EXOSC10: variants seen among roughly 807,000 people sequenced by gnomAD.
The protein encoded by EXOSC10 is exosome complex component 10.
Under a neutral mutation model 126.6 loss-of-function variants are expected in EXOSC10, and 94 were observed. The observed-to-expected ratio is 0.74, with a 90% CI of 0.63 to 0.88. The LOEUF (loss-of-function observed/expected upper bound fraction) is 0.88, where lower values mean the gene tolerates loss of function less well. EXOSC10 is among the 40% of genes least tolerant of loss of function. The probability of loss-of-function intolerance (pLI) is 0.00; values close to 1 mark genes in which losing one functional copy is unlikely to be tolerated. For missense variants in EXOSC10, 1,041 were observed against 1,100.5 expected (o/e 0.95, Z 0.77); for synonymous variants, 395 against 400.8 (o/e 0.99, Z 0.17).
intron 2 of EXOSC10, among the ~76,000 whole-genome samples, chr1:11,096,772 T>C (rs894489447): frequency 2.6e-5 from 4 of 152,136 alleles, no homozygotes; most frequent in African/African-American, 9.7e-5. Flanking sequence ...AGCCGCCATG[T>C]CTGGCCCCTG....
In EXOSC10 at chr1:11,082,793, G is replaced by A; in HGVS notation, c.1175C>T (p.Ala392Val). 1 of 1,614,186 alleles carries A rather than the reference G, an allele frequency of 6.2e-7. No homozygotes were observed. The highest frequency in any genetic ancestry group is 8.5e-7 in the Non-Finnish European group (1 of 1,180,026). The change falls in exon 10 of 25, where the codon GCA (alanine) becomes GTA (valine). Residue 392 changes from alanine to valine, a missense_variant. Coordinates refer to ENST00000376936, the MANE Select transcript of EXOSC10 (RefSeq NM_001001998.3). ...YVVNMFDTHQAARLLNLGRHS... is the reference protein window; with the variant it reads ...YVVNMFDTHQVARLLNLGRHS... ...CCTGCCCAGGTTAAGAAGGCGTGCT[G>A]CCTGATGAGTATCAAACATGTTTAC...
intron 14 of EXOSC10, among the ~76,000 whole-genome samples, chr1:11,078,919 TTCA>T (rs1038223050): frequency 1.3e-5 from 2 of 152,178 alleles, no homozygotes; most frequent in African/African-American, 4.8e-5. Context: ...AGCAGCTAAA[TTCA>T]TCAAGACACA....
At chr1:11,088,959 G>A (rs1640646244) in intron 6 of EXOSC10, among the ~76,000 whole-genome samples, 1 of 152,204 alleles carries the variant, frequency 6.6e-6, no homozygotes, top group African/African-American at 2.4e-5. Context: ...GGTGGCACAT[G>A]CTTGTAATCC....
At chr1:11,077,222 C>T (rs929897324) in intron 16 of EXOSC10, 143 bp downstream of exon 16, 26 of 819,038 alleles carry the variant, frequency 3.2e-5, no homozygotes, top group Middle Eastern at 7.5e-4. Context: ...AACTCCTGAC[C>T]TCAGGTGATC....
chr1:11,066,640 G>T lies in EXOSC10; in HGVS notation c.*78C>A. Reference sequence around the variant, plus strand: ...AGCTTTCTTCAGGAAGAATTTTAATGGTTTAAAAATATGTATGTACAAAAG... The same window carrying T: ...AGCTTTCTTCAGGAAGAATTTTAATTGTTTAAAAATATGTATGTACAAAAG... On this transcript the variant is annotated 3_prime_UTR_variant, in exon 25 of 25. Coordinates refer to ENST00000376936, the MANE Select transcript of EXOSC10 (RefSeq NM_001001998.3). The T allele has an allele frequency of 6.7e-7, 1 of 1,491,140 alleles. No homozygotes were observed. Among genetic ancestry groups the T allele is most frequent in the Non-Finnish European group, 9.4e-7 (1 of 1,068,966 alleles). The allele number at this position is 1,491,140 out of a possible 1,614,324, so 92.4% of individuals were successfully genotyped here.
rs1365740832 is a variant in EXOSC10 at position 11,086,510 on chromosome 1, TTTTC to T, written c.1089+934_1089+937del. On this transcript the variant is annotated intron_variant, in intron 9 of 24. Transcript: ENST00000376936. ...TATTGCGTCTATTTGATTCTTCTAT[TTTTC>T]TTTATTAGTCTTGCTAGCGGTCTAT... 2.0e-5 allele frequency among the ~76,000 whole-genome samples: 3 copies of T among 149,558 alleles called. No homozygotes were observed. The East Asian group carries it at 6.0e-4, about 30-fold the overall frequency.
intron 10 of EXOSC10, 53 bp downstream of exon 10, chr1:11,082,635 T>C (rs1640232336): frequency 1.9e-6 from 3 of 1,605,030 alleles, no homozygotes; most frequent in Non-Finnish European, 2.6e-6. Flanking sequence ...GACAGGTTAA[T>C]GAATAATCAC....
intron 3 of EXOSC10, among the ~76,000 whole-genome samples, chr1:11,095,211 CAAAAA>C (rs1222636613): frequency 1.9e-5 from 1 of 52,426 alleles, no homozygotes; most frequent in African/African-American, 6.6e-5. Context: ...GACTCCGTCT[CAAAAA>C]AAAAAAAAAA....
chr1:11,087,682 A>G (rs943593117), intron 8 of EXOSC10, 91 bp from the exon 9 acceptor site: 54 of 1,527,328 alleles, frequency 3.5e-5, no homozygotes, highest in Non-Finnish European at 4.7e-5. Flanking sequence ...TACAAAGCTA[A>G]GTTATATGAT....
In EXOSC10 at chr1:11,077,625, C is replaced by A; in HGVS notation, c.1776G>T (p.Lys592Asn). 1 of 1,611,918 alleles carries A rather than the reference C, an allele frequency of 6.2e-7. No homozygotes were observed. The highest frequency in any genetic ancestry group is 1.1e-5 in the South Asian group (1 of 91,018). Residue 592 changes from lysine to asparagine, a missense_variant, in exon 15 of 25, where the codon AAG becomes AAT. Physicochemically the swap from Lys to Asn is moderately conservative, Grantham distance 94. This residue lies in a region of EXOSC10 where 388 missense variants were observed against 415.2 expected (regional missense o/e 0.93). Transcript: ENST00000376936. ...CCTCAGCACTGGGCAGCGGTCCGCT[C>A]TTCTTCACTCCGGCTGCAACTTCAG... is the stretch of plus-strand genomic sequence containing the variant. ...LKSEVAAGVKKSGPLPSAERL... is the reference protein window; with the variant it reads ...LKSEVAAGVKNSGPLPSAERL...
At chr1:11,096,890 C>T (rs897635704) in intron 2 of EXOSC10, among the ~76,000 whole-genome samples, 3 of 151,970 alleles carry the variant, frequency 2.0e-5, no homozygotes, top group Non-Finnish European at 4.4e-5. Context: ...CCAGCCTGGC[C>T]AACATGGTGA....
At chr1:11,098,681 A>C (rs546724419) in intron 1 of EXOSC10, among the ~76,000 whole-genome samples, 1 of 152,360 alleles carries the variant, frequency 6.6e-6, no homozygotes, top group East Asian at 1.9e-4. Context: ...GCATCTAAAA[A>C]CAATACAAGC....
chr1:11,084,844 T>C (rs975178445), intron 9 of EXOSC10, among the ~76,000 whole-genome samples: 1 of 152,242 alleles, frequency 6.6e-6, no homozygotes, highest in African/African-American at 2.4e-5. Context: ...TTTCTACATA[T>C]GGCTAGCCAG....
rs1290830340 is a variant in EXOSC10, at chr1:11,079,827, A to G, written c.1638-5T>C. ...GCTATGATGCCCTGAGGTTCCCTGA[A>G]GACAAGTAAGAACACACTCAACTTG... On this transcript the variant is annotated splice_polypyrimidine_tract_variant and splice_region_variant and intron_variant, in intron 13 of 24. Transcript: ENST00000376936. 1 of 1,606,128 alleles carries G rather than the reference A, an allele frequency of 6.2e-7. No individual in the cohort carries two copies. The highest frequency in any genetic ancestry group is 1.1e-5 in the South Asian group (1 of 89,812).
chr1:11,099,284 T>C (rs2100252052), intron 1 of EXOSC10, among the ~76,000 whole-genome samples: 2 of 152,314 alleles, frequency 1.3e-5, no homozygotes, highest in Non-Finnish European at 2.9e-5. Context: ...TTAAAAATTA[T>C]GTAGGACTGG....
At chr1:11,082,574 G>A (rs1172564842) in intron 10 of EXOSC10, 114 bp downstream of exon 10, 1 of 1,525,640 alleles carries the variant, frequency 6.6e-7, no homozygotes, top group Non-Finnish European at 8.8e-7. Context: ...AAAGCCTGAT[G>A]CCATTCATCT....
In EXOSC10 at chr1:11,098,151, A is replaced by G. The variant is rs1377194305; in HGVS notation, c.117T>C (p.Ala39=). The G allele has an allele frequency of 6.3e-7, 1 of 1,599,384 alleles. No individual in the cohort carries two copies. Among genetic ancestry groups the G allele is most frequent in the Non-Finnish European group, 8.5e-7 (1 of 1,176,318 alleles). The part of the protein sequence containing the change: ...FPDADSFVKF[A]LGSVVAVTKA... The stretch of plus-strand genomic sequence containing the variant: ...TGGTGACTGCCACCACGGACCCAAG[A>G]GCAAACTGTCAAAAACAAGAAAAGA... Residue 39 remains alanine (A), a synonymous_variant, in exon 2 of 25, where the codon GCT becomes GCC. Transcript: ENST00000376936.
At position 11,076,841 on chromosome 1, in the gene EXOSC10, CATTA is replaced by C; in HGVS notation, c.1983_1986del (p.Phe661LeufsTer13). 1 of 1,608,992 alleles carries C rather than the reference CATTA, an allele frequency of 6.2e-7. No individual in the cohort carries two copies. Among genetic ancestry groups the C allele is most frequent in the Non-Finnish European group, 8.5e-7 (1 of 1,176,722 alleles). On this transcript the variant is annotated frameshift_variant and splice_region_variant, in exon 17 of 25. Transcript: ENST00000376936. LOFTEE classifies it high-confidence loss of function. Reference sequence around the variant, plus strand: ...CTCAGTGAAGTTTCTGTGCTACTCACATTAAATAACGTGATGACAGCTGTGGCAA... The same window carrying C: ...CTCAGTGAAGTTTCTGTGCTACTCACAATAACGTGATGACAGCTGTGGCAA...
At chr1:11,073,841 G>A (rs1289869264) in intron 19 of EXOSC10, 93 bp downstream of exon 19, 2 of 917,434 alleles carry the variant, frequency 2.2e-6, no homozygotes, top group Non-Finnish European at 3.2e-6. Context: ...TTGTGCCTCT[G>A]CACTCCAGCC....
Sources: allele counts gnomAD v4.1 joint callset (sites outside exome capture counted in the v4.1 genomes callset), GRCh38; gene constraint gnomAD v4.1.1; regional missense constraint gnomAD v4.1.1; transcripts MANE v1.5; gene names NCBI Gene and HGNC (gene_info 2026-07-23, HGNC 2026-07-21).